The following NBAS variants were observed in gnomAD, a reference collection of about 807,000 sequenced individuals.
NBAS encodes NBAS subunit of NRZ tethering complex, also known as NAG/BC035112 fusion.
In NBAS, 219 loss-of-function variants were observed where a neutral mutation model predicts 302.5. The observed-to-expected ratio is 0.72, with a 90% CI of 0.65 to 0.81. NBAS has a LOEUF of 0.81. Ranked by LOEUF, NBAS falls within the 30% of genes least tolerant of loss-of-function variation. The probability of loss-of-function intolerance (pLI) is 0.00; values close to 1 mark genes in which losing one functional copy is unlikely to be tolerated. For synonymous variants in NBAS, 1,118 were observed against 1,021.6 expected, an observed-to-expected ratio of 1.09 and a Z score of -1.80; for missense variants, 2,932 against 2,841.6, an observed-to-expected ratio of 1.03 and a Z score of -0.72.
At chr2:15,232,387 A>C in intron 47 of NBAS, 35 bp downstream of exon 47, 2 of 1,584,572 alleles carry the variant, frequency 1.3e-6, no homozygotes, top group Non-Finnish European at 1.7e-6. Context: ...GAGGAAAGCC[A>C]GTTAATGAAG....
chr2:14,862,419 T>C, the NBAS span, among the ~76,000 whole-genome samples: 1 of 152,150 alleles, frequency 6.6e-6, no homozygotes, highest in South Asian at 2.1e-4. Context: ...GCCCGGCCTA[T>C]TTAAACAATT....
chr2:15,135,696 G>T, the NBAS span, among the ~76,000 whole-genome samples: 1 of 152,012 alleles, frequency 6.6e-6, no homozygotes, highest in African/African-American at 2.4e-5. Context: ...AGTGGGAAGA[G>T]ACTCTTTCAA....
At chr2:15,033,978 G>GGAAGAGGAA in the NBAS span, among the ~76,000 whole-genome samples, 603 of 63,256 alleles carry the variant, frequency 9.5e-3, 46 homozygotes, top group African/African-American at 0.029. Flanking sequence ...GAAGAAAAGA[G>GGAAGAGGAA]GAAGAGGAAG....
At chr2:14,976,635 T>A in the NBAS span, among the ~76,000 whole-genome samples, 1 of 152,234 alleles carries the variant, frequency 6.6e-6, no homozygotes, top group Non-Finnish European at 1.5e-5. Context: ...CACCTGTGAA[T>A]GTGACTTTAT....
At chr2:15,042,526 AG>A in the NBAS span, among the ~76,000 whole-genome samples, 2 of 152,374 alleles carry the variant, frequency 1.3e-5, no homozygotes, top group Admixed American at 6.5e-5. Flanking sequence ...CCAAGGGCTT[AG>A]GTAGAAATTC....
At chr2:15,532,756 T>G (rs956904406) in intron 9 of NBAS, among the ~76,000 whole-genome samples, 1 of 151,880 alleles carries the variant, frequency 6.6e-6, no homozygotes, top group Non-Finnish European at 1.5e-5. Flanking sequence ...AGAAGTTGGG[T>G]GGAGGAGTCA....
chr2:15,473,955 A>G (rs1259415653), intron 15 of NBAS, 112 bp downstream of exon 15: 10 of 1,284,530 alleles, frequency 7.8e-6, no homozygotes, highest in African/African-American at 4.5e-5. Flanking sequence ...TAACATGTCA[A>G]TGATCCAACA....
chr2:15,321,484 G>A (rs1671802016), intron 38 of NBAS, among the ~76,000 whole-genome samples: 1 of 152,122 alleles, frequency 6.6e-6, no homozygotes, highest in Non-Finnish European at 1.5e-5. Flanking sequence ...GAAAATTTTT[G>A]CAATCTACCC....
Position 15,539,311 on chromosome 2 carries a change from T to G in NBAS, c.425A>C (p.Tyr142Ser), listed in dbSNP as rs150339704. 6.2e-7 allele frequency: 1 copy of G among 1,614,122 alleles called. No individual in the cohort carries two copies. The highest frequency in any genetic ancestry group is 1.3e-5 in the African/African-American group (1 of 74,952). ...GGCATAGGCCAGTAGGGTACAATCG[T>G]AACTCCATGCTACCCGTCTCCACTG... ...KPQWRRVAWS[Y>S]DCTLLAYAES... The change falls in exon 7 of 52, where the codon TAC becomes TCC. Residue 142 changes from tyrosine (Y) to serine (S), a missense_variant. Physicochemically the swap from Tyr to Ser is moderately radical, Grantham distance 144. Transcript: ENST00000281513.
the NBAS span, among the ~76,000 whole-genome samples, chr2:15,074,570 A>G: frequency 0.035 from 5,279 of 152,178 alleles, 313 homozygotes; most frequent in African/African-American, 0.12. Context: ...ATAAAAATGA[A>G]TAACTATAAT....
chr2:15,428,562 T>G (rs1420895293), intron 21 of NBAS, among the ~76,000 whole-genome samples: 1 of 152,100 alleles, frequency 6.6e-6, no homozygotes, highest in African/African-American at 2.4e-5. Context: ...GGACCTCATT[T>G]CTACAAAAAA....
Position 15,321,397 on chromosome 2 carries a change from G to T in NBAS, c.4582+6353C>A, listed in dbSNP as rs555994893. 5.3e-4 allele frequency among the ~76,000 whole-genome samples: 81 copies of T among 152,264 alleles called. No individual in the cohort carries two copies. In the South Asian group the frequency reaches 8.5e-3, roughly 16 times the overall value. ...AACAAAAGCCAAAATAGACAAAGGG[G>T]ATCTAATTAAACTAAAGACCTTCTG... On this transcript the variant is annotated intron_variant, in intron 38 of 51. Transcript: ENST00000281513.
chr2:14,966,888 G>A, the NBAS span, among the ~76,000 whole-genome samples: 4 of 152,034 alleles, frequency 2.6e-5, no homozygotes, highest in Admixed American at 6.5e-5. Context: ...GATCATCTAC[G>A]CAGAACATCT....
intron 42 of NBAS, among the ~76,000 whole-genome samples, chr2:15,278,392 C>T (rs1166221777): frequency 6.6e-6 from 1 of 152,162 alleles, no homozygotes; most frequent in African/African-American, 2.4e-5. Context: ...TTGGCACATG[C>T]TGAATATCCT....
chr2:15,052,940 A>C, the NBAS span, among the ~76,000 whole-genome samples: 1 of 152,234 alleles, frequency 6.6e-6, no homozygotes, highest in African/African-American at 2.4e-5. Flanking sequence ...GAAGGGGAAG[A>C]ACAGTAGAAA....
intron 40 of NBAS, among the ~76,000 whole-genome samples, chr2:15,305,655 T>C (rs1253640475): frequency 2.0e-5 from 3 of 152,068 alleles, no homozygotes; most frequent in Non-Finnish European, 4.4e-5. Flanking sequence ...TTTCACCATG[T>C]TGGCTGGTCT....
At chr2:15,427,349 A>G (rs569490922) in intron 22 of NBAS, among the ~76,000 whole-genome samples, 2 of 152,210 alleles carry the variant, frequency 1.3e-5, no homozygotes, top group East Asian at 3.9e-4. Context: ...AGGCTTCCCA[A>G]AGTTAAATCT....
At chr2:15,394,998 A>C (rs1176855416) in intron 27 of NBAS, among the ~76,000 whole-genome samples, 1 of 152,120 alleles carries the variant, frequency 6.6e-6, no homozygotes, top group Non-Finnish European at 1.5e-5. Context: ...TTCAGAATAT[A>C]GGTTTCATCA....
intron 19 of NBAS, among the ~76,000 whole-genome samples, chr2:15,465,785 T>C (rs543625691): frequency 5.3e-5 from 8 of 152,136 alleles, no homozygotes; most frequent in African/African-American, 1.7e-4. Flanking sequence ...CTTACTACTA[T>C]CATATAGGGA....
Sources: allele counts gnomAD v4.1 joint callset (sites outside exome capture counted in the v4.1 genomes callset), GRCh38; gene constraint gnomAD v4.1.1; transcripts MANE v1.5; gene names NCBI Gene and HGNC (gene_info 2026-07-23, HGNC 2026-07-21).